The following TTC7B variants were observed in gnomAD, a reference collection of about 807,000 sequenced individuals.
TTC7B encodes the protein tetratricopeptide repeat protein 7B.
A neutral mutation model predicts 106.8 loss-of-function variants in TTC7B; 28 were observed. That is an observed-to-expected ratio of 0.26 (90% CI 0.19 to 0.36). The LOEUF is 0.36. Ranked by LOEUF, TTC7B falls within the 10% of genes least tolerant of loss-of-function variation. The pLI is 1.00. For missense variants in TTC7B, 862 were observed against 1,076.4 expected (o/e 0.80, Z 2.79); for synonymous variants, 405 against 430.6 (o/e 0.94, Z 0.74).
intron 9 of TTC7B, among the ~76,000 whole-genome samples, chr14:90,665,722 G>A (rs1356056937): frequency 1.3e-5 from 2 of 152,162 alleles, no homozygotes; most frequent in Admixed American, 6.5e-5. Flanking sequence ...ATAGCATAGT[G>A]AACTGTCATC....
chr14:90,780,727 A>T lies in TTC7B; in HGVS notation c.445+11T>A. 6.2e-7 allele frequency: 1 copy of T among 1,613,048 alleles called. No individual in the cohort carries two copies. Among genetic ancestry groups the T allele is most frequent in the Non-Finnish European group, 8.5e-7 (1 of 1,179,656 alleles). ...GTCACGGGACACTGTGTTAGAAGGC[A>T]CGGGCCTCACCTTTGGTAGCGTAGG... On this transcript the variant is annotated intron_variant, in intron 3 of 19. Transcript: ENST00000328459.
At chr14:90,591,246 C>T (rs1891946411) in intron 18 of TTC7B, among the ~76,000 whole-genome samples, 1 of 152,148 alleles carries the variant, frequency 6.6e-6, no homozygotes, top group African/African-American at 2.4e-5. Context: ...GAGGCTGAGG[C>T]AGGAGAATTG....
chr14:90,648,388 T>A (rs1885564421), intron 13 of TTC7B: 1 of 152,304 alleles, frequency 6.6e-6, no homozygotes. Flanking sequence ...TCTTACTCTA[T>A]CACCCAGGCT....
chr14:90,750,142 G>T (rs958117158), intron 3 of TTC7B, among the ~76,000 whole-genome samples: 2 of 152,158 alleles, frequency 1.3e-5, no homozygotes, highest in African/African-American at 4.8e-5. Flanking sequence ...GCAAATCGCA[G>T]ATTTGGAAGC....
At chr14:90,795,366 C>T (rs1490249824) in intron 1 of TTC7B, among the ~76,000 whole-genome samples, 2 of 152,216 alleles carry the variant, frequency 1.3e-5, no homozygotes, top group East Asian at 1.9e-4. Flanking sequence ...ACCTTACACT[C>T]GAATTGTGCG....
At chr14:90,766,244 CA>C (rs145656690) in intron 3 of TTC7B, among the ~76,000 whole-genome samples, 2 of 133,362 alleles carry the variant, frequency 1.5e-5, no homozygotes, top group African/African-American at 3.6e-5. Context: ...TCAACAACAT[CA>C]AAAAAAAATC....
chr14:90,556,769 C>T (rs925602946), intron 19 of TTC7B, among the ~76,000 whole-genome samples: 1 of 152,176 alleles, frequency 6.6e-6, no homozygotes, highest in Admixed American at 6.5e-5. Context: ...GTGCGCCAGG[C>T]CAGGGAGATG....
At chr14:90,722,060 G>C (rs1888916923) in intron 5 of TTC7B, among the ~76,000 whole-genome samples, 1 of 152,204 alleles carries the variant, frequency 6.6e-6, no homozygotes, top group Admixed American at 6.5e-5. Flanking sequence ...CTCATATGAA[G>C]AGCGTGGAAC....
At position 90,530,454 on chromosome 14, in the gene TTC7B, C is replaced by T. The variant is rs908517383; in HGVS notation, c.*10914G>A. ...ATGCCTGCATCCTACTTTCTGGAAC[C>T]TGTGAAGATGGTCACTTACCTGGCA... On this transcript the variant is annotated 3_prime_UTR_variant, in exon 20 of 20. Coordinates refer to ENST00000328459, the MANE Select transcript of TTC7B (RefSeq NM_001010854.2). 1 of 152,154 alleles carries T rather than the reference C, an allele frequency of 6.6e-6. No individual in the cohort carries two copies. Among genetic ancestry groups the T allele is most frequent in the Non-Finnish European group, 1.5e-5 (1 of 68,032 alleles). The allele number at this position is 152,154 out of a possible 1,614,324, so 9.4% of individuals were successfully genotyped here. A position where few individuals can be genotyped will look rare whatever the true frequency, so the allele number is the denominator to read the frequency against.
intron 4 of TTC7B, among the ~76,000 whole-genome samples, chr14:90,736,534 T>G (rs1889535783): frequency 6.6e-6 from 1 of 151,516 alleles, no homozygotes; most frequent in Non-Finnish European, 1.5e-5. Flanking sequence ...ATCACTCCAC[T>G]GCACTCCAGC....
chr14:90,559,656 T>C (rs1436197772), intron 19 of TTC7B, among the ~76,000 whole-genome samples: 1 of 135,298 alleles, frequency 7.4e-6, no homozygotes, highest in Non-Finnish European at 1.7e-5. Context: ...ACACACACGA[T>C]TCTCACAACA....
chr14:90,767,585 C>T (rs1269788443), intron 3 of TTC7B, among the ~76,000 whole-genome samples: 1 of 152,190 alleles, frequency 6.6e-6, no homozygotes, highest in Non-Finnish European at 1.5e-5. Flanking sequence ...GGCAAGAAGA[C>T]ACTTGCCAGA....
At chr14:90,662,675 C>T (rs75230262) in intron 9 of TTC7B, among the ~76,000 whole-genome samples, 1,552 of 152,286 alleles carry the variant, frequency 0.01, 22 homozygotes, top group African/African-American at 0.036. Context: ...AAAATGGGAA[C>T]TATGACAGTA....
chr14:90,625,071 G>C (rs145589327), intron 15 of TTC7B, among the ~76,000 whole-genome samples: 1 of 152,330 alleles, frequency 6.6e-6, no homozygotes, highest in Non-Finnish European at 1.5e-5. Context: ...ATATCCGAAG[G>C]AAAGTGAGCA....
intron 3 of TTC7B, among the ~76,000 whole-genome samples, chr14:90,775,797 T>C (rs893470937): frequency 6.6e-6 from 1 of 152,132 alleles, no homozygotes; most frequent in Non-Finnish European, 1.5e-5. Flanking sequence ...GAGATGACCG[T>C]GCTGGCCCCA....
intron 3 of TTC7B, among the ~76,000 whole-genome samples, chr14:90,762,248 C>A (rs1232792181): frequency 6.6e-6 from 1 of 152,216 alleles, no homozygotes; most frequent in African/African-American, 2.4e-5. Flanking sequence ...GGCAAAGGTG[C>A]TGCCTGAGGC....
chr14:90,812,220 C>A (rs940513516), intron 1 of TTC7B, among the ~76,000 whole-genome samples: 3 of 152,138 alleles, frequency 2.0e-5, no homozygotes, highest in Non-Finnish European at 4.4e-5. Context: ...CTAGCCACTA[C>A]AGGTAAGGTC....
chr14:90,812,938 G>A (rs559795373), intron 1 of TTC7B, among the ~76,000 whole-genome samples: 11 of 152,296 alleles, frequency 7.2e-5, no homozygotes, highest in Admixed American at 2.6e-4. Context: ...CTTCCTTCCC[G>A]TAAGGAGCTA....
intron 17 of TTC7B, among the ~76,000 whole-genome samples, chr14:90,602,878 C>T (rs1325562007): frequency 1.3e-5 from 2 of 152,208 alleles, no homozygotes; most frequent in Non-Finnish European, 2.9e-5. Context: ...CAAGATCCAA[C>T]TGGTTCCCTC....
Sources: gnomAD v4.1 joint callset for allele counts (sites outside exome capture counted in the v4.1 genomes callset) on GRCh38, gnomAD v4.1.1 for gene constraint, MANE v1.5 for transcripts, NCBI Gene and HGNC (gene_info 2026-07-23, HGNC 2026-07-21) for gene names.